The following FNIP1 variants were observed in gnomAD, a reference collection of about 807,000 sequenced individuals.
The protein encoded by FNIP1 is folliculin-interacting protein 1.
A neutral mutation model predicts 124.5 loss-of-function variants in FNIP1; 40 were observed. The ratio of observed to expected loss-of-function variants is 0.32; its 90% CI spans 0.25 to 0.42. The LOEUF (loss-of-function observed/expected upper bound fraction) is 0.42, where lower values mean the gene tolerates loss of function less well. FNIP1 is among the 10% of genes least tolerant of loss of function. The probability of loss-of-function intolerance (pLI) is 1.00; values close to 1 mark genes in which losing one functional copy is unlikely to be tolerated. For synonymous variants in FNIP1, 472 were observed against 470.6 expected (o/e 1.00, Z -0.04); for missense variants, 1,176 against 1,403.7 (o/e 0.84, Z 2.59).
intron 1 of FNIP1, among the ~76,000 whole-genome samples, chr5:131,795,318 TA>T (rs1213510802): frequency 2.0e-5 from 3 of 152,210 alleles, no homozygotes; most frequent in Non-Finnish European, 4.4e-5. Flanking sequence ...TTGGTAACTG[TA>T]AAATAGTATT....
intron 11 of FNIP1, among the ~76,000 whole-genome samples, chr5:131,684,622 C>T (rs1768207259): frequency 1.3e-5 from 2 of 152,074 alleles, no homozygotes; most frequent in Admixed American, 1.3e-4. Flanking sequence ...GCCATTTGTA[C>T]TATATAATAC....
At chr5:131,780,279 T>G (rs956883450) in intron 1 of FNIP1, among the ~76,000 whole-genome samples, 1 of 152,146 alleles carries the variant, frequency 6.6e-6, no homozygotes, top group Non-Finnish European at 1.5e-5. Flanking sequence ...AACTACATCC[T>G]AAATGTCTAC....
intron 11 of FNIP1, among the ~76,000 whole-genome samples, chr5:131,694,408 T>C (rs150581185): frequency 1.3e-5 from 2 of 152,238 alleles, no homozygotes; most frequent in African/African-American, 2.4e-5. Flanking sequence ...AAATGAGCTA[T>C]TAGGTAAAAA....
intron 1 of FNIP1, among the ~76,000 whole-genome samples, chr5:131,788,468 A>C (rs535376820): frequency 6.6e-6 from 1 of 152,312 alleles, no homozygotes; most frequent in Admixed American, 6.5e-5. Flanking sequence ...CAGGCGTTTG[A>C]GATCAGCCTG....
chr5:131,796,580 G>A, intron 1 of FNIP1: 2 of 537,262 alleles, frequency 3.7e-6, no homozygotes, highest in East Asian at 3.3e-5. Context: ...GTGGCTGGGG[G>A]CAGGTCGTAA....
intron 1 of FNIP1, among the ~76,000 whole-genome samples, chr5:131,784,008 CA>C (rs34867527): frequency 6.9e-4 from 96 of 140,002 alleles, no homozygotes; most frequent in Middle Eastern, 3.6e-3. Flanking sequence ...CTGCCCCCAA[CA>C]AAAAAAAAAA....
intron 1 of FNIP1, among the ~76,000 whole-genome samples, chr5:131,750,616 C>A (rs889425409): frequency 7.2e-6 from 1 of 137,994 alleles, no homozygotes; most frequent in Non-Finnish European, 1.6e-5. Context: ...TCCCTTCTTT[C>A]TTTTTTTTTT....
At chr5:131,706,260 T>G (rs1178326607) in intron 9 of FNIP1, 151 bp downstream of exon 9, 2 of 858,754 alleles carry the variant, frequency 2.3e-6, no homozygotes, top group African/African-American at 3.4e-5. Context: ...TATGTATAAC[T>G]TACCACAATT....
At chr5:131,674,037 A>C (rs1767842232) in intron 13 of FNIP1, among the ~76,000 whole-genome samples, 1 of 152,018 alleles carries the variant, frequency 6.6e-6, no homozygotes, top group Non-Finnish European at 1.5e-5. Context: ...ACTCCGTCTC[A>C]AAAAAATAAA....
At chr5:131,692,248 G>A (rs1327221958) in intron 11 of FNIP1, among the ~76,000 whole-genome samples, 1 of 152,016 alleles carries the variant, frequency 6.6e-6, no homozygotes. Flanking sequence ...CTTTCCTACA[G>A]ACCAGCAATG....
chr5:131,769,862 A>AAAAT, intron 1 of FNIP1, among the ~76,000 whole-genome samples: 1 of 152,320 alleles, frequency 6.6e-6, no homozygotes, highest in South Asian at 2.1e-4. Context: ...TGACTACGAG[A>AAAAT]AAATCAATCT....
In FNIP1 at chr5:131,641,739, A is replaced by C. The variant is rs991083668; in HGVS notation, c.*2946T>G. ...TCAAGTTGACATGTGTATTTATTGC[A>C]CAAATATCCCCTAGAACTGGGAGGT... is the stretch of plus-strand genomic sequence containing the variant. On this transcript the variant is annotated 3_prime_UTR_variant, in exon 18 of 18. Transcript: ENST00000510461. 6.5e-6 allele frequency: 1 copy of C among 152,814 alleles called. No individual in the cohort carries two copies. The highest frequency in any genetic ancestry group is 1.5e-5 in the Non-Finnish European group (1 of 68,050). 9.5% of individuals were successfully genotyped at this position (152,814 alleles called of 1,614,324 possible).
At chr5:131,701,239 G>A (rs530555363) in intron 10 of FNIP1, among the ~76,000 whole-genome samples, 1 of 152,118 alleles carries the variant, frequency 6.6e-6, no homozygotes, top group Non-Finnish European at 1.5e-5. Flanking sequence ...AGCCCCATCC[G>A]TGAAAAAATT....
At chr5:131,743,461 TAG>T (rs1010471775) in intron 2 of FNIP1, among the ~76,000 whole-genome samples, 1 of 147,340 alleles carries the variant, frequency 6.8e-6, no homozygotes, top group Non-Finnish European at 1.5e-5. Flanking sequence ...GCCTGAGTGA[TAG>T]AGAGACAAAG....
chr5:131,651,686 A>G, intron 16 of FNIP1, 116 bp downstream of exon 16: 2 of 904,520 alleles, frequency 2.2e-6, no homozygotes, highest in Non-Finnish European at 3.3e-6. Flanking sequence ...GCTTCAATAT[A>G]TGAGTTCGGG....
chr5:131,750,647 C>G (rs1770842736), intron 1 of FNIP1, among the ~76,000 whole-genome samples: 1 of 149,714 alleles, frequency 6.7e-6, no homozygotes, highest in Non-Finnish European at 1.5e-5. Flanking sequence ...GAGTCTCTCT[C>G]TGTCTCTCAG....
rs150415335 is a variant in FNIP1 at position 131,661,472 on chromosome 5, G to A, written c.3108+8991C>T. Among the ~76,000 whole-genome samples, 1,074 of 152,190 alleles carry A rather than the reference G, an allele frequency of 7.1e-3. 27 individuals are homozygous for A. Among genetic ancestry groups the A allele is most frequent in the Admixed American group, 0.059 (895 of 15,288 alleles). On this transcript the variant is annotated intron_variant, in intron 15 of 17. Coordinates refer to ENST00000510461, the MANE Select transcript of FNIP1 (RefSeq NM_133372.3). The stretch of plus-strand genomic sequence containing the variant: ...CTTGAGGGGATCAAAGATGACAGGG[G>A]CACACTAGAAAAAGATTGAGCCTTG...
At position 131,760,897 on chromosome 5, in the gene FNIP1, AGAGG is replaced by A. The variant is rs1175009840; in HGVS notation, c.93-16211_93-16208del. On this transcript the variant is annotated intron_variant, in intron 1 of 17. Coordinates refer to ENST00000510461, the MANE Select transcript of FNIP1 (RefSeq NM_133372.3). ...AGAAGGGAAGGAGGGAAGGAAGGAA[AGAGG>A]GAGGGAGGGAGGGAGGGAAGGAGGG... Among the ~76,000 whole-genome samples the A allele has an allele frequency of 8.2e-5, 11 of 133,706 alleles. No individual in the cohort carries two copies. The South Asian group carries it at 1.1e-3, about 13-fold the overall frequency. The allele number at this position is 133,706 out of a possible 152,430, so 87.7% of individuals were successfully genotyped here. A position where few individuals can be genotyped will look rare whatever the true frequency, so the allele number is the denominator to read the frequency against.
intron 3 of FNIP1, among the ~76,000 whole-genome samples, chr5:131,724,684 TGCTGTGCAGAA>T (rs1229936053): frequency 6.6e-6 from 1 of 152,236 alleles, no homozygotes; most frequent in Non-Finnish European, 1.5e-5. Context: ...TAGTTTCTTT[TGCTGTGCAGAA>T]GCTCTTTAAT....
Sources: gnomAD v4.1 joint callset for allele counts (sites outside exome capture counted in the v4.1 genomes callset) on GRCh38, gnomAD v4.1.1 for gene constraint, MANE v1.5 for transcripts, NCBI Gene and HGNC (gene_info 2026-07-23, HGNC 2026-07-21) for gene names.